MORC1: variants seen among roughly 807,000 people sequenced by gnomAD.
MORC1 encodes the protein MORC family CW-type zinc finger protein 1.
Under a neutral mutation model 134.9 loss-of-function variants are expected in MORC1, and 59 were observed. The observed-to-expected ratio is 0.44, with a 90% CI of 0.35 to 0.54. MORC1 has a LOEUF of 0.54. Ranked by LOEUF, MORC1 falls within the 20% of genes least tolerant of loss-of-function variation. The pLI, the probability that MORC1 is intolerant of heterozygous loss-of-function variation, is 0.00. For synonymous variants in MORC1, 395 were observed against 391.7 expected, an observed-to-expected ratio of 1.01 and a Z score of -0.10; for missense variants, 947 against 1,134.5, an observed-to-expected ratio of 0.83 and a Z score of 2.37.
chr3:109,071,595 G>T (rs1950317988), intron 8 of MORC1, among the ~76,000 whole-genome samples: 1 of 152,152 alleles, frequency 6.6e-6, no homozygotes, highest in Non-Finnish European at 1.5e-5. Flanking sequence ...GAGTCTGGAG[G>T]AATCTGTCTG....
chr3:109,101,008 T>C (rs987369026), intron 4 of MORC1, among the ~76,000 whole-genome samples: 1 of 152,300 alleles, frequency 6.6e-6, no homozygotes, highest in East Asian at 1.9e-4. Context: ...AAGAAACAAC[T>C]GTATACTGAA....
intron 8 of MORC1, among the ~76,000 whole-genome samples, chr3:109,087,577 G>A (rs1576728327): frequency 6.6e-6 from 1 of 151,992 alleles, no homozygotes; most frequent in African/African-American, 2.4e-5. Context: ...AATCAGAGAA[G>A]ACACAAACAA....
chr3:109,054,166 C>T (rs1248956663), intron 14 of MORC1, among the ~76,000 whole-genome samples: 1 of 151,804 alleles, frequency 6.6e-6, no homozygotes, highest in African/African-American at 2.4e-5. Context: ...CCTGTAATCC[C>T]AGCCACTCGG....
intron 9 of MORC1, among the ~76,000 whole-genome samples, chr3:109,063,664 C>A (rs1470353059): frequency 6.6e-6 from 1 of 152,142 alleles, no homozygotes; most frequent in African/African-American, 2.4e-5. Context: ...AACACACATT[C>A]ATGTATCATT....
chr3:109,014,178 A>T (rs1237636459), intron 17 of MORC1, among the ~76,000 whole-genome samples: 1 of 152,196 alleles, frequency 6.6e-6, no homozygotes, highest in African/African-American at 2.4e-5. Flanking sequence ...AAATCTATAT[A>T]GCCATATTTA....
chr3:109,056,352 C>G (rs889958089), intron 13 of MORC1, among the ~76,000 whole-genome samples: 3 of 152,136 alleles, frequency 2.0e-5, no homozygotes, highest in African/African-American at 7.2e-5. Context: ...CTCAGCCTCC[C>G]GAGTAGCTGA....
chr3:109,007,895 A>C (rs1192274210), intron 17 of MORC1, among the ~76,000 whole-genome samples: 2 of 152,062 alleles, frequency 1.3e-5, no homozygotes, highest in East Asian at 1.9e-4. Flanking sequence ...TGTCTCGCTT[A>C]ATCTTTCTGG....
intron 1 of MORC1, among the ~76,000 whole-genome samples, chr3:109,115,734 A>G (rs974360754): frequency 1.3e-5 from 2 of 152,214 alleles, no homozygotes; most frequent in African/African-American, 4.8e-5. Flanking sequence ...CTGACTGCCT[A>G]CCATGTGCCA....
intron 8 of MORC1, among the ~76,000 whole-genome samples, 184 bp from the exon 9 acceptor site, chr3:109,069,941 C>A (rs1224589425): frequency 1.3e-5 from 2 of 152,172 alleles, no homozygotes; most frequent in Admixed American, 1.3e-4. Flanking sequence ...ATTAAGGAGG[C>A]CTCTAAACAC....
chr3:109,002,018 T>A (rs1948416393), intron 20 of MORC1, among the ~76,000 whole-genome samples: 1 of 152,152 alleles, frequency 6.6e-6, no homozygotes, highest in Non-Finnish European at 1.5e-5. Context: ...ATCCTCTATA[T>A]CCAATAAAGA....
chr3:109,006,711 G>A (rs549597923), intron 18 of MORC1, among the ~76,000 whole-genome samples: 1 of 152,084 alleles, frequency 6.6e-6, no homozygotes, highest in Non-Finnish European at 1.5e-5. Context: ...CATATTTCTA[G>A]GCAAATTCAC....
chr3:109,000,801 T>C (rs1390399206), intron 20 of MORC1, 143 bp from the exon 21 acceptor site: 2 of 609,514 alleles, frequency 3.3e-6, no homozygotes, highest in Admixed American at 3.1e-5. Context: ...CCGATCTTTG[T>C]GTATGATAAG....
At chr3:109,000,441 C>T (rs1396733454) in intron 21 of MORC1, 116 bp downstream of exon 21, 3 of 752,494 alleles carry the variant, frequency 4.0e-6, no homozygotes, top group Non-Finnish European at 6.1e-6. Flanking sequence ...ATTTCTTCAT[C>T]TCAAAACTAG....
At chr3:108,962,099 ATAAAC>A (rs1208259869) in intron 27 of MORC1, among the ~76,000 whole-genome samples, 2 of 152,180 alleles carry the variant, frequency 1.3e-5, no homozygotes. Flanking sequence ...ATAGCAATAA[ATAAAC>A]TAGACAAATT....
chr3:109,073,999 T>G (rs550718078), intron 8 of MORC1, among the ~76,000 whole-genome samples: 6 of 152,190 alleles, frequency 3.9e-5, no homozygotes, highest in Non-Finnish European at 2.9e-5. Context: ...ATTAGAACAA[T>G]TTGAAGCTAT....
At chr3:108,986,850 A>C in intron 22 of MORC1, 30 bp downstream of exon 22, 1 of 1,374,604 alleles carries the variant, frequency 7.3e-7, no homozygotes, top group Non-Finnish European at 9.9e-7. Flanking sequence ...TAGCTAATAT[A>C]TATATATACA....
chr3:108,985,726 A>G (rs1286460120), intron 22 of MORC1, among the ~76,000 whole-genome samples: 1 of 152,210 alleles, frequency 6.6e-6, no homozygotes, highest in Non-Finnish European at 1.5e-5. Context: ...ACCTAGGATG[A>G]GTATTTAAAA....
intron 8 of MORC1, among the ~76,000 whole-genome samples, chr3:109,090,841 A>T (rs1213860764): frequency 1.3e-5 from 2 of 152,054 alleles, no homozygotes; most frequent in African/African-American, 4.8e-5. Context: ...ATTGTTTTGG[A>T]CAGCTGTACA....
chr3:108,976,064 G>A (rs956071992), intron 24 of MORC1, among the ~76,000 whole-genome samples: 1 of 151,956 alleles, frequency 6.6e-6, no homozygotes, highest in African/African-American at 2.4e-5. Context: ...ACTTTATTTG[G>A]GAAGTCAACA....
Sources: gnomAD v4.1 joint callset for allele counts (sites outside exome capture counted in the v4.1 genomes callset) on GRCh38, gnomAD v4.1.1 for gene constraint, MANE v1.5 for transcripts, NCBI Gene and HGNC (gene_info 2026-07-23, HGNC 2026-07-21) for gene names.